ITM2B: variants seen among roughly 807,000 people sequenced by gnomAD.
The protein encoded by ITM2B is ABri/ADan amyloid peptide.
ITM2B carries 11 observed loss-of-function variants against 27.8 expected under a neutral mutation model. The observed-to-expected ratio is 0.40, with a 90% confidence interval of 0.25 to 0.66. The LOEUF (loss-of-function observed/expected upper bound fraction) is 0.66. Ranked by LOEUF, ITM2B falls within the 30% of genes least tolerant of loss-of-function variation. The pLI, the probability that ITM2B is intolerant of heterozygous loss-of-function variation, is 0.43. For synonymous variants in ITM2B, 114 were observed against 114.3 expected, an observed-to-expected ratio of 1.00 and a Z score of 0.02; for missense variants, 296 against 328.9, an observed-to-expected ratio of 0.90 and a Z score of 0.77.
rs953677851 is a variant in ITM2B at position 48,248,152 on chromosome 13, A to G, written c.118-5656A>G. Among the ~76,000 whole-genome samples the G allele has an allele frequency of 3.3e-5, 5 of 152,276 alleles. No individual in the cohort carries two copies. The South Asian group carries it at 8.3e-4, about 25-fold the overall frequency. On this transcript the variant is annotated intron_variant, in intron 1 of 5. Coordinates refer to ENST00000647800, the MANE Select transcript of ITM2B (RefSeq NM_021999.5). ...ATACAGAGAACCTGAAGTATATTTT[A>G]TATGTTTTGAAAGTCTTAAATATCA...
chr13:48,234,688 ATCT>A (rs779457500), intron 1 of ITM2B, among the ~76,000 whole-genome samples: 26 of 152,174 alleles, frequency 1.7e-4, no homozygotes, highest in Admixed American at 9.8e-4. Flanking sequence ...TATAATGGTA[ATCT>A]TACTTTCTGG....
chr13:48,247,707 T>G (rs1185230748), intron 1 of ITM2B, among the ~76,000 whole-genome samples: 1 of 152,242 alleles, frequency 6.6e-6, no homozygotes, highest in Admixed American at 6.5e-5. Flanking sequence ...TCCTTCATTT[T>G]GTTTAAGATA....
rs147482878 is a variant in ITM2B, at chr13:48,269,951, A to G, written c.*8727A>G. On this transcript the variant is annotated 3_prime_UTR_variant, in exon 6 of 6. Coordinates refer to ENST00000647800, the MANE Select transcript of ITM2B (RefSeq NM_021999.5). ...AAACAATGCAAAGAATAAATGAGAG[A>G]GTAATTGGAGACAAGCTTTCCCTTG... The G allele has an allele frequency of 7.9e-5, 12 of 152,350 alleles. 1 individual carries two copies. In the South Asian group the frequency reaches 1.7e-3, roughly 21 times the overall value. 9.4% of individuals were successfully genotyped at this position (152,350 alleles called of 1,614,324 possible). A position where few individuals can be genotyped will look rare whatever the true frequency, so the allele number is the denominator to read the frequency against.
At chr13:48,238,511 G>C (rs1156579445) in intron 1 of ITM2B, among the ~76,000 whole-genome samples, 1 of 152,088 alleles carries the variant, frequency 6.6e-6, no homozygotes, top group Non-Finnish European at 1.5e-5. Flanking sequence ...GATATATTCT[G>C]ATTTTTCACT....
intron 1 of ITM2B, among the ~76,000 whole-genome samples, chr13:48,238,794 T>G (rs1951683139): frequency 1.3e-5 from 2 of 152,206 alleles, no homozygotes. Context: ...TTGTGTTTAT[T>G]TGAATGATTA....
chr13:48,238,756 T>C (rs531631446), intron 1 of ITM2B, among the ~76,000 whole-genome samples: 1 of 152,312 alleles, frequency 6.6e-6, no homozygotes, highest in South Asian at 2.1e-4. Context: ...TTGAATTTCA[T>C]ACTTTAAAAA....
At chr13:48,240,204 T>C (rs1332053504) in intron 1 of ITM2B, among the ~76,000 whole-genome samples, 1 of 152,126 alleles carries the variant, frequency 6.6e-6, no homozygotes, top group Non-Finnish European at 1.5e-5. Flanking sequence ...GCTACTGTTA[T>C]TTTTATTTAT....
At position 48,242,329 on chromosome 13, in the gene ITM2B, G is replaced by C. The variant is rs75221064; in HGVS notation, c.117+8852G>C. On this transcript the variant is annotated intron_variant, in intron 1 of 5. Transcript: ENST00000647800. ...ATACTTACTGCTCATTCATTCCTCA[G>C]ACTCTGACAGCAGTATAATTGTCTT... is the stretch of plus-strand genomic sequence containing the variant. Among the ~76,000 whole-genome samples the C allele has an allele frequency of 8.1e-3, 1,229 of 152,090 alleles. 5 individuals are homozygous for C. The highest frequency in any genetic ancestry group is 0.013 in the Non-Finnish European group (907 of 67,972).
chr13:48,257,422 C>G (rs763781109), intron 3 of ITM2B, among the ~76,000 whole-genome samples: 4 of 152,122 alleles, frequency 2.6e-5, no homozygotes, highest in Non-Finnish European at 5.9e-5. Flanking sequence ...TTTTATGTCT[C>G]TCTGTAAGCT....
At chr13:48,254,480 A>G in intron 2 of ITM2B, among the ~76,000 whole-genome samples, 1 of 152,220 alleles carries the variant, frequency 6.6e-6, no homozygotes, top group East Asian at 1.9e-4. Context: ...TGAGTGTTTA[A>G]TAGTAATCCC....
At chr13:48,239,366 A>T (rs1951686679) in intron 1 of ITM2B, among the ~76,000 whole-genome samples, 1 of 152,194 alleles carries the variant, frequency 6.6e-6, no homozygotes, top group Non-Finnish European at 1.5e-5. Context: ...GCCAGGCGCA[A>T]GCCACCGCCT....
intron 2 of ITM2B, 53 bp from the exon 3 acceptor site, chr13:48,256,124 T>C (rs1304419061): frequency 1.5e-6 from 2 of 1,362,316 alleles, no homozygotes; most frequent in Non-Finnish European, 2.1e-6. Flanking sequence ...AATGCTTATT[T>C]AAAAACCTGT....
At chr13:48,257,663 C>T (rs944549511) in intron 3 of ITM2B, among the ~76,000 whole-genome samples, 2 of 152,154 alleles carry the variant, frequency 1.3e-5, no homozygotes, top group African/African-American at 4.8e-5. Flanking sequence ...TTCTATGAGA[C>T]AGTCTTTCTC....
chr13:48,240,397 G>A (rs1213105497), intron 1 of ITM2B, among the ~76,000 whole-genome samples: 1 of 152,058 alleles, frequency 6.6e-6, no homozygotes, highest in Non-Finnish European at 1.5e-5. Flanking sequence ...AATAGAGACG[G>A]GGTTTCACCA....
At position 48,265,285 on chromosome 13, in the gene ITM2B, C is replaced by T. The variant is rs1951845967; in HGVS notation, c.*4061C>T. 2 of 152,186 alleles carry T rather than the reference C, an allele frequency of 1.3e-5. No individual in the cohort carries two copies. The highest frequency in any genetic ancestry group is 4.8e-5 in the African/African-American group (2 of 41,442). 9.4% of individuals were successfully genotyped at this position (152,186 alleles called of 1,614,324 possible). The stretch of plus-strand genomic sequence containing the variant: ...TACAATAATGTGTGACACAAAATGA[C>T]CTAGTTCTTGCCCTAGTGACTAAGC... On this transcript the variant is annotated 3_prime_UTR_variant, in exon 6 of 6. Coordinates refer to ENST00000647800, the MANE Select transcript of ITM2B (RefSeq NM_021999.5).
chr13:48,250,059 G>A (rs942131765), intron 1 of ITM2B, among the ~76,000 whole-genome samples: 3 of 152,064 alleles, frequency 2.0e-5, no homozygotes, highest in Admixed American at 1.3e-4. Context: ...TCTATCATAC[G>A]TGATGTTAAT....
intron 1 of ITM2B, among the ~76,000 whole-genome samples, chr13:48,245,776 GTTC>G (rs1355993875): frequency 2.7e-5 from 4 of 147,082 alleles, no homozygotes; most frequent in Non-Finnish European, 6.0e-5. Context: ...TGTAGTTTAA[GTTC>G]TTTTTTTTTT....
At position 48,270,162 on chromosome 13, in the gene ITM2B, T is replaced by C. The variant is rs1206959674; in HGVS notation, c.*8938T>C. On this transcript the variant is annotated 3_prime_UTR_variant, in exon 6 of 6. Transcript: ENST00000647800. Reference sequence around the variant, plus strand: ...GGTCAAGAAGGCTTATGCCCAGGTATCCCTGTGGCTATGAGCATTGCTCCT... The same window carrying C: ...GGTCAAGAAGGCTTATGCCCAGGTACCCCTGTGGCTATGAGCATTGCTCCT... The C allele has an allele frequency of 6.6e-6, 1 of 152,248 alleles. No individual in the cohort carries two copies. The highest frequency in any genetic ancestry group is 1.5e-5 in the Non-Finnish European group (1 of 68,042). The allele number at this position is 152,248 out of a possible 1,614,324, so 9.4% of individuals were successfully genotyped here. A position where few individuals can be genotyped will look rare whatever the true frequency, so the allele number is the denominator to read the frequency against.
chr13:48,258,481 C>G (rs1220414203), intron 4 of ITM2B, among the ~76,000 whole-genome samples: 2 of 152,120 alleles, frequency 1.3e-5, no homozygotes, highest in African/African-American at 4.8e-5. Flanking sequence ...CTACTTAATT[C>G]TGGTGCCATA....
Sources: allele counts gnomAD v4.1 joint callset (sites outside exome capture counted in the v4.1 genomes callset), GRCh38; gene constraint gnomAD v4.1.1; transcripts MANE v1.5; gene names NCBI Gene and HGNC (gene_info 2026-07-23, HGNC 2026-07-21).